Variants in EIF4ENIF1 observed in about 807,000 individuals in gnomAD.
EIF4ENIF1 encodes eukaryotic translation initiation factor 4E nuclear import factor 1.
A neutral mutation model predicts 110.5 loss-of-function variants in EIF4ENIF1; 23 were observed. That is an observed-to-expected ratio of 0.21 (90% CI 0.15 to 0.29). The LOEUF is 0.29. EIF4ENIF1 is among the 10% of genes least tolerant of loss of function. EIF4ENIF1 has a pLI of 1.00. For missense variants in EIF4ENIF1, 1,031 were observed against 1,221.1 expected, an observed-to-expected ratio of 0.84 and a Z score of 2.32; for synonymous variants, 440 against 437.0, an observed-to-expected ratio of 1.01 and a Z score of -0.09.
intron 7 of EIF4ENIF1, among the ~76,000 whole-genome samples, chr22:31,457,333 T>C (rs140482889): frequency 1.3e-5 from 2 of 152,318 alleles, no homozygotes; most frequent in African/African-American, 2.4e-5. Context: ...AAAAACTAGA[T>C]TTAAGCATTT....
chr22:31,456,446 A>C (rs753763274), intron 7 of EIF4ENIF1, among the ~76,000 whole-genome samples: 90 of 151,842 alleles, frequency 5.9e-4, no homozygotes, highest in South Asian at 2.9e-3. Context: ...GATGGTCTCG[A>C]TCTCCTGACC....
At chr22:31,489,580 G>A (rs1395337410) in intron 1 of EIF4ENIF1, 114 bp downstream of exon 1, 13 of 147,776 alleles carry the variant, frequency 8.8e-5, no homozygotes, top group East Asian at 2.0e-4. Context: ...GGGCGCCCCG[G>A]CGCCCGCGCT....
intron 15 of EIF4ENIF1, chr22:31,443,393 T>G: frequency 3.8e-6 from 1 of 264,344 alleles, no homozygotes; most frequent in Non-Finnish European, 7.0e-6. Context: ...TGGCCAGAAA[T>G]ATAACTTGGA....
At chr22:31,462,153 A>C (rs1258677052) in intron 6 of EIF4ENIF1, among the ~76,000 whole-genome samples, 2 of 144,596 alleles carry the variant, frequency 1.4e-5, no homozygotes, top group African/African-American at 5.1e-5. Flanking sequence ...CGAGTTAGGG[A>C]AACAGTATGA....
chr22:31,492,918 G>C (rs996307573), upstream of EIF4ENIF1, among the ~76,000 whole-genome samples: 1 of 151,954 alleles, frequency 6.6e-6, no homozygotes, highest in Non-Finnish European at 1.5e-5. Flanking sequence ...TTTTAGTAGA[G>C]ACAGGATTTC....
chr22:31,460,573 G>A (rs1376510553), intron 6 of EIF4ENIF1, among the ~76,000 whole-genome samples: 2 of 151,752 alleles, frequency 1.3e-5, no homozygotes, highest in Non-Finnish European at 2.9e-5. Context: ...AGCTTGCAGT[G>A]AGCCAAGATC....
downstream of EIF4ENIF1, among the ~76,000 whole-genome samples, chr22:31,438,461 A>G (rs2050205339): frequency 1.3e-5 from 2 of 152,236 alleles, no homozygotes; most frequent in Non-Finnish European, 2.9e-5. Flanking sequence ...GTCTAAGCTC[A>G]GAACTCTGAG....
In EIF4ENIF1 at chr22:31,439,582, C is replaced by A; in HGVS notation, c.*298G>T. 2.5e-6 allele frequency: 1 copy of A among 402,082 alleles called. No homozygotes were observed. Among genetic ancestry groups the A allele is most frequent in the Admixed American group, 4.3e-5 (1 of 23,396 alleles). 24.9% of individuals were successfully genotyped at this position (402,082 alleles called of 1,614,324 possible). A position where few individuals can be genotyped will look rare whatever the true frequency, so the allele number is the denominator to read the frequency against. The stretch of plus-strand genomic sequence containing the variant: ...GGTCTATACATTTATTTCCTCAGAA[C>A]CCTTAGGTGCCACCTCTTGGTGAGG... On this transcript the variant is annotated 3_prime_UTR_variant, in exon 19 of 19. Coordinates refer to ENST00000330125, the MANE Select transcript of EIF4ENIF1 (RefSeq NM_019843.4).
In EIF4ENIF1 at chr22:31,455,977, T is replaced by C. The variant is rs771299000; in HGVS notation, c.974A>G (p.Asp325Gly). ...KVPCLASMIE[D>G]VLGEGSVSAS... is the part of the protein sequence containing the mutation. The stretch of plus-strand genomic sequence containing the variant: ...AGAGACTGACCCTTCTCCCAAAACA[T>C]CTTCTATCATCTGAAGAAAAAGACA... Residue 325 changes from aspartate to glycine, a missense_variant, in exon 8 of 19, where the codon GAT becomes GGT. This residue lies in a region of EIF4ENIF1 where 704 missense variants were observed against 879.7 expected (regional missense o/e 0.80). Coordinates refer to ENST00000330125, the MANE Select transcript of EIF4ENIF1 (RefSeq NM_019843.4). 6.2e-7 allele frequency: 1 copy of C among 1,613,694 alleles called. No homozygotes were observed. The highest frequency in any genetic ancestry group is 1.3e-5 in the African/African-American group (1 of 74,980).
chr22:31,448,636 G>A (rs1333497866), intron 12 of EIF4ENIF1, among the ~76,000 whole-genome samples: 11 of 152,208 alleles, frequency 7.2e-5, no homozygotes, highest in Non-Finnish European at 1.6e-4. Flanking sequence ...TGTTTGGCAG[G>A]AGCCAGAGTG....
chr22:31,449,519 G>C lies in EIF4ENIF1; in HGVS notation c.1597C>G (p.Gln533Glu). 1 of 1,611,214 alleles carries C rather than the reference G, an allele frequency of 6.2e-7. No individual in the cohort carries two copies. The highest frequency in any genetic ancestry group is 8.5e-7 in the Non-Finnish European group (1 of 1,179,228). Reference sequence around the variant, plus strand: ...GAAGAAGCAGGTCTCTGAACTGGTTGACCCAGAAGTTCCTAAAGGCAGAAA... The same window carrying C: ...GAAGAAGCAGGTCTCTGAACTGGTTCACCCAGAAGTTCCTAAAGGCAGAAA... ...PKNILQELLG[Q>E]PVQRPASSNL... The change falls in exon 12 of 19, where the codon CAA becomes GAA. Residue 533 changes from glutamine (Q) to glutamate (E), a missense_variant. Coordinates refer to ENST00000330125, the MANE Select transcript of EIF4ENIF1 (RefSeq NM_019843.4).
chr22:31,486,918 T>C (rs1601664409), intron 2 of EIF4ENIF1, among the ~76,000 whole-genome samples: 1 of 43,996 alleles, frequency 2.3e-5, no homozygotes, highest in Non-Finnish European at 5.9e-5. Flanking sequence ...CCGTCTCTAC[T>C]ATAAAAAAAA....
chr22:31,455,349 C>A, intron 8 of EIF4ENIF1, 34 bp from the exon 9 acceptor site: 1 of 1,456,082 alleles, frequency 6.9e-7, no homozygotes, highest in Non-Finnish European at 9.2e-7. Context: ...CAAAATTAAT[C>A]TGTTCCAGTA....
chr22:31,459,370 A>AC, intron 6 of EIF4ENIF1, among the ~76,000 whole-genome samples: 1 of 152,112 alleles, frequency 6.6e-6, no homozygotes, highest in Non-Finnish European at 1.5e-5. Context: ...GGGCTCAGCA[A>AC]CCTAAGGTAT....
At position 31,482,442 on chromosome 22, in the gene EIF4ENIF1, C is replaced by CA. The variant is rs202003500; in HGVS notation, c.96+6180dup. Among the ~76,000 whole-genome samples the CA allele has an allele frequency of 8.0e-3, 1,213 of 151,418 alleles. 23 individuals are homozygous for CA. Among genetic ancestry groups the CA allele is most frequent in the African/African-American group, 0.027 (1,095 of 41,282 alleles). Reference sequence around the variant, plus strand: ...CACGCCTGTAATCCCAGCACTTTGGCAGGCCACGGCAGGTGGATCACTTGA... The same window carrying CA: ...CACGCCTGTAATCCCAGCACTTTGGCAAGGCCACGGCAGGTGGATCACTTGA... On this transcript the variant is annotated intron_variant, in intron 2 of 18. Coordinates refer to ENST00000330125, the MANE Select transcript of EIF4ENIF1 (RefSeq NM_019843.4).
chr22:31,447,503 A>C lies in EIF4ENIF1; in HGVS notation c.1911T>G (p.Ala637=), dbSNP rs2273250. The C allele has an allele frequency of 6.0e-4, 963 of 1,613,092 alleles. 13 individuals carry two copies. The East Asian group carries it at 0.021, about 35-fold the overall frequency. Residue 637 remains alanine, a synonymous_variant, in exon 14 of 19, where the codon GCT becomes GCG. Transcript: ENST00000330125. The part of the protein sequence containing the change: ...LEGLALPHDL[A]VQAANFYQPG... ...GCTGGTAGAAGTTTGCTGCCTGTAC[A>C]GCAAGGTCATGTGGCAAGGCCAGCC... is the stretch of plus-strand genomic sequence containing the variant.
intron 4 of EIF4ENIF1, chr22:31,464,269 T>C (rs879328427): frequency 3.4e-6 from 1 of 293,240 alleles, no homozygotes; most frequent in Non-Finnish European, 6.3e-6. Flanking sequence ...AAATGTTTTG[T>C]CAACTAATAA....
chr22:31,464,128 G>A (rs971276625), intron 4 of EIF4ENIF1, 161 bp from the exon 5 acceptor site: 5 of 823,072 alleles, frequency 6.1e-6, no homozygotes, highest in South Asian at 1.9e-5. Flanking sequence ...TGTACATTAT[G>A]TATTTAAATA....
At chr22:31,449,214 T>TG in intron 12 of EIF4ENIF1, 134 bp downstream of exon 12, 1 of 809,288 alleles carries the variant, frequency 1.2e-6, no homozygotes, top group Non-Finnish European at 1.9e-6. Context: ...TTCACCACGT[T>TG]GGCCAGGCTG....
Sources: gnomAD v4.1 joint callset for allele counts (sites outside exome capture counted in the v4.1 genomes callset) on GRCh38, gnomAD v4.1.1 for gene constraint, gnomAD v4.1.1 regional missense constraint, MANE v1.5 for transcripts, NCBI Gene and HGNC (gene_info 2026-07-23, HGNC 2026-07-21) for gene names.